Variants in SEMA5A observed in about 807,000 individuals in gnomAD.
The protein encoded by SEMA5A is semaphorin 5A, also known as semaphorin-5A.
Under a neutral mutation model 135.5 loss-of-function variants are expected in SEMA5A, and 55 were observed. The observed-to-expected ratio is 0.41, with a 90% CI of 0.33 to 0.51. The LOEUF (loss-of-function observed/expected upper bound fraction) is 0.51, where lower values mean the gene tolerates loss of function less well. Among genes scored for constraint, SEMA5A ranks in the 20% least tolerant of loss-of-function variants. The pLI is 0.37. For synonymous variants in SEMA5A, 580 were observed against 546.5 expected (o/e 1.06, Z -0.85); for missense variants, 1,290 against 1,419.9 (o/e 0.91, Z 1.47).
intron 16 of SEMA5A, among the ~76,000 whole-genome samples, chr5:9,081,238 T>C (rs1738366987): frequency 6.6e-6 from 1 of 152,118 alleles, no homozygotes; most frequent in African/African-American, 2.4e-5. Context: ...GAAAAGACTG[T>C]AGCTCTGGCC....
At position 9,112,807 on chromosome 5, in the gene SEMA5A, T is replaced by C. The variant is rs146733056; in HGVS notation, c.1926-4520A>G. On this transcript the variant is annotated intron_variant, in intron 15 of 22. Transcript: ENST00000382496. ...TGTCACTGGCTTCTAACCAACAGAA[T>C]ATGTGAAAGATTTTGGAATGTCACT... Among the ~76,000 whole-genome samples the C allele has an allele frequency of 2.6e-4, 39 of 152,336 alleles. No individual in the cohort carries two copies. In the East Asian group the frequency reaches 5.6e-3, roughly 22 times the overall value.
rs755737357 is a variant in SEMA5A, at chr5:9,052,018, C to T, written c.2700G>A (p.Ser900=). 64 of 1,607,072 alleles carry T rather than the reference C, an allele frequency of 4.0e-5. 1 individual carries two copies. In the Middle Eastern group the frequency reaches 5.0e-4, roughly 12 times the overall value. Residue 900 remains serine, a synonymous_variant, in exon 20 of 23, where the codon TCG becomes TCA. Coordinates refer to ENST00000382496, the MANE Select transcript of SEMA5A (RefSeq NM_003966.3). ...CACACTCAGACCAGTCCGACCACTCCGACCAGCTCTCTGCAGAGACCAGAA... is the reference window on the plus strand; with the variant it reads ...CACACTCAGACCAGTCCGACCACTCTGACCAGCTCTCTGCAGAGACCAGAA... ...CNTQPCPESW[S]EWSDWSECEA... is the part of the protein sequence containing the mutation.
At chr5:9,427,981 A>G (rs1227379651) in intron 2 of SEMA5A, among the ~76,000 whole-genome samples, 1 of 151,930 alleles carries the variant, frequency 6.6e-6, no homozygotes, top group Admixed American at 6.6e-5. Context: ...ATCTATCTCT[A>G]TATAATTTAC....
intron 18 of SEMA5A, among the ~76,000 whole-genome samples, chr5:9,061,911 G>C (rs1737202594): frequency 6.6e-6 from 1 of 151,848 alleles, no homozygotes; most frequent in Non-Finnish European, 1.5e-5. Flanking sequence ...GGGGTTGCAT[G>C]TTTGATACCC....
chr5:9,310,139 T>C (rs1396649389), intron 5 of SEMA5A, among the ~76,000 whole-genome samples: 1 of 152,150 alleles, frequency 6.6e-6, no homozygotes, highest in African/African-American at 2.4e-5. Context: ...ACAAACTTTT[T>C]CTTAAAGGAA....
chr5:9,060,380 G>A (rs1305955063), intron 18 of SEMA5A, among the ~76,000 whole-genome samples: 1 of 152,150 alleles, frequency 6.6e-6, no homozygotes, highest in Non-Finnish European at 1.5e-5. Context: ...AGTGTCTGCA[G>A]GAATCTGCAC....
intron 11 of SEMA5A, among the ~76,000 whole-genome samples, chr5:9,189,836 T>C (rs2150345683): frequency 6.6e-6 from 1 of 152,378 alleles, no homozygotes. Context: ...CACTGCCATG[T>C]ACCACCATCC....
At chr5:9,210,171 C>T (rs1380956253) in intron 8 of SEMA5A, among the ~76,000 whole-genome samples, 1 of 152,154 alleles carries the variant, frequency 6.6e-6, no homozygotes, top group Non-Finnish European at 1.5e-5. Flanking sequence ...TTTACTCATC[C>T]CTTTTCTTTT....
chr5:9,091,840 T>A (rs2150125341), intron 16 of SEMA5A, among the ~76,000 whole-genome samples: 1 of 152,314 alleles, frequency 6.6e-6, no homozygotes, highest in Admixed American at 6.5e-5. Context: ...CATCTTGGCA[T>A]CACCATTTGT....
Position 9,036,203 on chromosome 5 carries a change from T to C in SEMA5A, c.*6694A>G, listed in dbSNP as rs1160095705. On this transcript the variant is annotated 3_prime_UTR_variant, in exon 23 of 23. Coordinates refer to ENST00000382496, the MANE Select transcript of SEMA5A (RefSeq NM_003966.3). ...ACTAAGTGCTTGGGTTAAAGATTCA[T>C]ACTGTGCTTTGTTTCAAAGTGCAGA... is the stretch of plus-strand genomic sequence containing the variant. The C allele has an allele frequency of 6.6e-6, 1 of 152,222 alleles. No individual in the cohort carries two copies. The highest frequency in any genetic ancestry group is 1.5e-5 in the Non-Finnish European group (1 of 68,038). 9.4% of individuals were successfully genotyped at this position (152,222 alleles called of 1,614,324 possible). A position where few individuals can be genotyped will look rare whatever the true frequency, so the allele number is the denominator to read the frequency against.
intron 5 of SEMA5A, among the ~76,000 whole-genome samples, chr5:9,281,692 G>A (rs747227786): frequency 1.2e-4 from 18 of 152,124 alleles, no homozygotes; most frequent in Admixed American, 3.3e-4. Flanking sequence ...AAGGCAAATC[G>A]GGTAAGGCAA....
intron 16 of SEMA5A, among the ~76,000 whole-genome samples, chr5:9,070,100 G>T (rs1320844337): frequency 2.0e-5 from 3 of 152,192 alleles, no homozygotes; most frequent in Non-Finnish European, 4.4e-5. Context: ...GCCATGCGTG[G>T]TGGCTCACAT....
chr5:9,325,265 G>A (rs1752819843), intron 4 of SEMA5A, among the ~76,000 whole-genome samples: 1 of 150,580 alleles, frequency 6.6e-6, no homozygotes, highest in African/African-American at 2.4e-5. Flanking sequence ...CAAATGCCAT[G>A]GAATAAAATT....
At chr5:9,377,141 A>G (rs963843136) in intron 3 of SEMA5A, among the ~76,000 whole-genome samples, 1 of 151,782 alleles carries the variant, frequency 6.6e-6, no homozygotes, top group Non-Finnish European at 1.5e-5. Context: ...ATCAATCTCT[A>G]CACTCTTCTA....
At chr5:9,353,299 G>A (rs1287721310) in intron 3 of SEMA5A, among the ~76,000 whole-genome samples, 3 of 105,304 alleles carry the variant, frequency 2.8e-5, no homozygotes, top group Middle Eastern at 5.4e-3. Context: ...GAAAGGAAGG[G>A]AAGGGAAGGG....
intron 1 of SEMA5A, among the ~76,000 whole-genome samples, chr5:9,466,296 C>T (rs1290720953): frequency 6.6e-6 from 1 of 151,068 alleles, no homozygotes; most frequent in East Asian, 2.0e-4. Flanking sequence ...GTGCAGCACA[C>T]CAACATGGCA....
chr5:9,149,547 G>A (rs1050680016), intron 12 of SEMA5A, among the ~76,000 whole-genome samples: 1 of 152,196 alleles, frequency 6.6e-6, no homozygotes, highest in Non-Finnish European at 1.5e-5. Flanking sequence ...GGGAGGCTGA[G>A]GCAGGAGAAT....
chr5:9,049,082 C>A (rs150178363), intron 21 of SEMA5A, among the ~76,000 whole-genome samples: 13 of 152,238 alleles, frequency 8.5e-5, no homozygotes, highest in South Asian at 4.1e-4. Context: ...GAATGAATGA[C>A]TGAATGAATG....
intron 1 of SEMA5A, among the ~76,000 whole-genome samples, chr5:9,479,918 C>T (rs920363306): frequency 6.6e-6 from 1 of 152,214 alleles, no homozygotes; most frequent in Non-Finnish European, 1.5e-5. Flanking sequence ...ATCAGTATAA[C>T]AGGCACTCAC....
Sources: gnomAD v4.1 joint callset for allele counts (sites outside exome capture counted in the v4.1 genomes callset) on GRCh38, gnomAD v4.1.1 for gene constraint, MANE v1.5 for transcripts, NCBI Gene and HGNC (gene_info 2026-07-23, HGNC 2026-07-21) for gene names.